SMYD3: variants seen among roughly 807,000 people sequenced by gnomAD.
SMYD3 encodes SET and MYND domain containing 3, also known as histone-lysine N-methyltransferase SMYD3.
SMYD3 carries 36 observed loss-of-function variants against 57.7 expected under a neutral mutation model. That is an observed-to-expected ratio of 0.62 (90% confidence interval 0.48 to 0.82). The LOEUF (loss-of-function observed/expected upper bound fraction) is 0.82, where lower values mean the gene tolerates loss of function less well. SMYD3 is among the 40% of genes least tolerant of loss of function. The pLI, the probability that SMYD3 is intolerant of heterozygous loss-of-function variation, is 0.00. For synonymous variants in SMYD3, 211 were observed against 195.0 expected, an observed-to-expected ratio of 1.08 and a Z score of -0.68; for missense variants, 515 against 538.8, an observed-to-expected ratio of 0.96 and a Z score of 0.44.
intron 5 of SMYD3, among the ~76,000 whole-genome samples, chr1:246,234,745 C>T (rs2063487721): frequency 6.6e-6 from 1 of 152,152 alleles, no homozygotes; most frequent in Admixed American, 6.6e-5. Flanking sequence ...CCATGGTGCA[C>T]TGTAAATGTT....
At chr1:245,873,162 G>A (rs2052308699) in intron 8 of SMYD3, among the ~76,000 whole-genome samples, 1 of 150,626 alleles carries the variant, frequency 6.6e-6, no homozygotes, top group South Asian at 2.1e-4. Flanking sequence ...TGATATACAA[G>A]GCAGTTAAAC....
At chr1:245,825,649 T>C (rs911471095) in intron 10 of SMYD3, among the ~76,000 whole-genome samples, 5 of 152,152 alleles carry the variant, frequency 3.3e-5, no homozygotes, top group Admixed American at 3.3e-4. Context: ...GGCTTTCTCC[T>C]ACCTGTTCCA....
At chr1:246,286,429 C>T (rs916860359) in intron 5 of SMYD3, among the ~76,000 whole-genome samples, 3 of 152,070 alleles carry the variant, frequency 2.0e-5, no homozygotes, top group Non-Finnish European at 2.9e-5. Context: ...TAGGGAAGTC[C>T]CAATTTCTTT....
At chr1:245,865,680 G>A (rs1405352820) in intron 8 of SMYD3, among the ~76,000 whole-genome samples, 3 of 152,180 alleles carry the variant, frequency 2.0e-5, no homozygotes, top group Non-Finnish European at 4.4e-5. Flanking sequence ...CACCAGCCAG[G>A]TGTGGCTATT....
intron 1 of SMYD3, among the ~76,000 whole-genome samples, chr1:246,477,716 A>G (rs1003899831): frequency 6.6e-6 from 1 of 152,236 alleles, no homozygotes; most frequent in Non-Finnish European, 1.5e-5. Flanking sequence ...TAGTAACTGG[A>G]AAAATCAGAA....
intron 5 of SMYD3, among the ~76,000 whole-genome samples, chr1:246,276,082 C>T (rs2064325320): frequency 8.3e-6 from 1 of 121,018 alleles, no homozygotes; most frequent in African/African-American, 2.9e-5. Flanking sequence ...AGTCTGATGC[C>T]CAAGTTTGAA....
At chr1:245,857,413 G>A (rs1375563364) in intron 10 of SMYD3, among the ~76,000 whole-genome samples, 1 of 45,082 alleles carries the variant, frequency 2.2e-5, no homozygotes, top group Non-Finnish European at 1.1e-4. Context: ...TGTTGACCCT[G>A]GGAAATTCCT....
chr1:246,504,094 A>G (rs2068499756), intron 1 of SMYD3, among the ~76,000 whole-genome samples: 1 of 152,178 alleles, frequency 6.6e-6, no homozygotes, highest in Non-Finnish European at 1.5e-5. Context: ...GAGAGGAAAA[A>G]GGTAAGATAA....
chr1:246,373,418 T>C (rs904770908), intron 1 of SMYD3, among the ~76,000 whole-genome samples: 1 of 152,198 alleles, frequency 6.6e-6, no homozygotes, highest in East Asian at 1.9e-4. Context: ...TATTCAAACA[T>C]AATTTAAATT....
chr1:246,472,354 GT>G (rs887085367), intron 1 of SMYD3, among the ~76,000 whole-genome samples: 3 of 152,172 alleles, frequency 2.0e-5, no homozygotes, highest in African/African-American at 7.2e-5. Flanking sequence ...TTACTATGTT[GT>G]TTTTTGTTGT....
intron 5 of SMYD3, among the ~76,000 whole-genome samples, chr1:246,103,666 T>C (rs1253990083): frequency 2.6e-5 from 4 of 152,212 alleles, no homozygotes; most frequent in African/African-American, 4.8e-5. Flanking sequence ...CCACTCTTTA[T>C]GCGCCTGGGC....
At chr1:246,402,980 T>G (rs2066796684) in intron 1 of SMYD3, among the ~76,000 whole-genome samples, 1 of 152,180 alleles carries the variant, frequency 6.6e-6, no homozygotes, top group South Asian at 2.1e-4. Flanking sequence ...TGAATAAAAA[T>G]GAAGCTCACT....
At chr1:245,829,070 GCTTTT>G (rs2049681873) in intron 10 of SMYD3, among the ~76,000 whole-genome samples, 1 of 79,004 alleles carries the variant, frequency 1.3e-5, no homozygotes, top group African/African-American at 3.6e-5. Context: ...TCTTAGCCTG[GCTTTT>G]TTTTTTTTTT....
chr1:246,386,345 T>C (rs970460369), intron 1 of SMYD3, among the ~76,000 whole-genome samples: 5 of 152,164 alleles, frequency 3.3e-5, no homozygotes, highest in African/African-American at 1.2e-4. Flanking sequence ...AGAGATTGTG[T>C]TTTCTACTGG....
In SMYD3 at chr1:246,301,064, G is replaced by A. The variant is rs2064885225; in HGVS notation, c.531+26137C>T. Among the ~76,000 whole-genome samples the A allele has an allele frequency of 2.0e-5, 3 of 152,088 alleles. 1 individual carries two copies. Among genetic ancestry groups the A allele is most frequent in the African/African-American group, 7.2e-5 (3 of 41,408 alleles). ...CACTGATTATCAATACCAACCCTCT[G>A]ACTGTGTGAAAAGTATTAAAATACT... On this transcript the variant is annotated intron_variant, in intron 5 of 11. Coordinates refer to ENST00000490107, the MANE Select transcript of SMYD3 (RefSeq NM_001167740.2).
At chr1:246,017,768 T>C (rs7547858) in intron 5 of SMYD3, among the ~76,000 whole-genome samples, 57,811 of 152,012 alleles carry the variant, frequency 0.38, 13,087 homozygotes, top group African/African-American at 0.63. Flanking sequence ...AGAGAATGCA[T>C]ATATGACATT....
intron 5 of SMYD3, among the ~76,000 whole-genome samples, chr1:246,284,439 C>A (rs1178768301): frequency 4.1e-5 from 6 of 147,148 alleles, no homozygotes; most frequent in Non-Finnish European, 7.5e-5. Context: ...TTTTTTGAGA[C>A]GGAGTCTCAC....
At chr1:246,134,808 G>A (rs1018824746) in intron 5 of SMYD3, among the ~76,000 whole-genome samples, 1 of 46,640 alleles carries the variant, frequency 2.1e-5, no homozygotes, top group Non-Finnish European at 1.2e-4. Flanking sequence ...TCCCCCCCCT[G>A]CCGCTTTTAA....
intron 10 of SMYD3, among the ~76,000 whole-genome samples, chr1:245,827,633 T>G (rs1451841590): frequency 6.6e-6 from 1 of 152,224 alleles, no homozygotes; most frequent in Non-Finnish European, 1.5e-5. Flanking sequence ...CTCTATGATC[T>G]TCCAAGGAGG....
Sources: allele counts gnomAD v4.1 joint callset (sites outside exome capture counted in the v4.1 genomes callset), GRCh38; gene constraint gnomAD v4.1.1; transcripts MANE v1.5; gene names NCBI Gene and HGNC (gene_info 2026-07-23, HGNC 2026-07-21).